Variants in PRORP observed in about 807,000 individuals in gnomAD.
PRORP encodes protein only RNase P catalytic subunit.
In PRORP, 51 loss-of-function variants were observed where a neutral mutation model predicts 59.4. The observed-to-expected ratio is 0.86, with a 90% CI of 0.69 to 1.08. The LOEUF is 1.08. Among genes scored for constraint, PRORP ranks in the 50% least tolerant of loss-of-function variants. PRORP has a pLI of 0.00. For missense variants in PRORP, 646 were observed against 690.3 expected (o/e 0.94, Z 0.72); for synonymous variants, 231 against 245.6 (o/e 0.94, Z 0.55).
At chr14:35,210,053 A>G (rs1468158891) in intron 5 of PRORP, among the ~76,000 whole-genome samples, 1 of 152,258 alleles carries the variant, frequency 6.6e-6, no homozygotes, top group Non-Finnish European at 1.5e-5. Context: ...ATTAATCAGC[A>G]CAGAATTGTA....
At position 35,123,992 on chromosome 14, in the gene PRORP, C is replaced by T. The variant is rs753425011; in HGVS notation, c.747C>T (p.Asp249=). 6.2e-7 allele frequency: 1 copy of T among 1,614,104 alleles called. No individual in the cohort carries two copies. Among genetic ancestry groups the T allele is most frequent in the East Asian group, 2.2e-5 (1 of 44,874 alleles). The change falls in exon 2 of 8, where the codon GAC becomes GAT. Residue 249 remains aspartate (D), a synonymous_variant. Coordinates refer to ENST00000534898, the MANE Select transcript of PRORP (RefSeq NM_014672.4). ...VITPSKKNYN[D]CIQGALLHQD... ...CTCCTTCAAAAAAGAACTATAATGA[C>T]TGTATCCAGGGAGCTCTCCTTCATC...
At chr14:35,130,517 TG>T (rs749987034) in intron 4 of PRORP, among the ~76,000 whole-genome samples, 8 of 152,004 alleles carry the variant, frequency 5.3e-5, no homozygotes, top group Non-Finnish European at 1.2e-4. Context: ...AGTCTCACTC[TG>T]TCGCCCAGGT....
At chr14:35,212,968 C>T (rs2049487747) in intron 5 of PRORP, among the ~76,000 whole-genome samples, 8 of 152,202 alleles carry the variant, frequency 5.3e-5, no homozygotes, top group Admixed American at 3.3e-4. Context: ...TAACTCACTG[C>T]AGCTTCTCCA....
chr14:35,211,639 A>T lies in PRORP; in HGVS notation c.1275+30862A>T, dbSNP rs189009386. Among the ~76,000 whole-genome samples, 207 of 152,358 alleles carry T rather than the reference A, an allele frequency of 1.4e-3. 1 individual carries two copies. The highest frequency in any genetic ancestry group is 4.8e-3 in the African/African-American group (199 of 41,590). On this transcript the variant is annotated intron_variant, in intron 5 of 7. Transcript: ENST00000534898. ...AGTCTATTATGTATGCAATAACATTATGTCTAAAAATAATGCACATACCTA... is the reference window on the plus strand; with the variant it reads ...AGTCTATTATGTATGCAATAACATTTTGTCTAAAAATAATGCACATACCTA...
At chr14:35,205,250 C>T (rs2049261544) in intron 5 of PRORP, among the ~76,000 whole-genome samples, 3 of 152,292 alleles carry the variant, frequency 2.0e-5, no homozygotes, top group East Asian at 3.9e-4. Flanking sequence ...GGCATGATCT[C>T]GGCCCTCTGC....
At chr14:35,230,933 A>G (rs1279243838) in intron 5 of PRORP, among the ~76,000 whole-genome samples, 2 of 127,642 alleles carry the variant, frequency 1.6e-5, no homozygotes, top group African/African-American at 6.3e-5. Flanking sequence ...AAGACAGGAA[A>G]AGAGAACACA....
At chr14:35,236,017 G>A (rs2050201155) in intron 5 of PRORP, among the ~76,000 whole-genome samples, 1 of 148,136 alleles carries the variant, frequency 6.8e-6, no homozygotes, top group Non-Finnish European at 1.5e-5. Flanking sequence ...GACATCTTGA[G>A]CCCAGGAGGC....
At chr14:35,212,454 A>G (rs1280667361) in intron 5 of PRORP, among the ~76,000 whole-genome samples, 1 of 152,136 alleles carries the variant, frequency 6.6e-6, no homozygotes, top group Non-Finnish European at 1.5e-5. Context: ...AGTGTAAATT[A>G]CTCCTTGAGC....
intron 5 of PRORP, among the ~76,000 whole-genome samples, chr14:35,228,470 G>C (rs149334391): frequency 6.6e-6 from 1 of 152,088 alleles, no homozygotes; most frequent in African/African-American, 2.4e-5. Flanking sequence ...CCATCTCCCC[G>C]CTAGTAGTCC....
At chr14:35,161,116 A>G (rs543019802) in intron 4 of PRORP, among the ~76,000 whole-genome samples, 5 of 152,196 alleles carry the variant, frequency 3.3e-5, no homozygotes, top group African/African-American at 9.7e-5. Flanking sequence ...AAGCAGGCAA[A>G]GTTACTTTCC....
rs781491503 is a variant in PRORP, at chr14:35,270,468, A to G, written c.1492A>G (p.Arg498Gly). Residue 498 changes from arginine to glycine, a missense_variant, in exon 7 of 8, where the codon AGA (arginine) becomes GGA (glycine). Physicochemically the swap from Arg to Gly is moderately radical, Grantham distance 125. Transcript: ENST00000534898. ...CGGGAATCACTGCAGGTTTATCACAAGAGACCTGATGCGGGACCACAAGGC... is the reference window on the plus strand; with the variant it reads ...CGGGAATCACTGCAGGTTTATCACAGGAGACCTGATGCGGGACCACAAGGC... ...HSGNHCRFITRDLMRDHKACL... is the reference protein window; with the variant it reads ...HSGNHCRFITGDLMRDHKACL... The G allele has an allele frequency of 8.1e-6, 13 of 1,614,058 alleles. No homozygotes were observed. Among genetic ancestry groups the G allele is most frequent in the African/African-American group, 4.0e-5 (3 of 74,926 alleles).
intron 5 of PRORP, among the ~76,000 whole-genome samples, chr14:35,243,530 T>C (rs2050413469): frequency 7.1e-6 from 1 of 140,668 alleles, no homozygotes; most frequent in South Asian, 2.3e-4. Flanking sequence ...AGTGAGACCA[T>C]GTCTAAAAAA....
chr14:35,247,966 A>T (rs757681271), intron 5 of PRORP, among the ~76,000 whole-genome samples: 1 of 152,162 alleles, frequency 6.6e-6, no homozygotes, highest in Non-Finnish European at 1.5e-5. Context: ...GTTTTCTAAA[A>T]GGCTGGATGA....
intron 4 of PRORP, 110 bp from the exon 5 acceptor site, chr14:35,180,560 G>A (rs772955991): frequency 2.1e-5 from 13 of 622,994 alleles, no homozygotes; most frequent in Non-Finnish European, 3.1e-5. Context: ...GTATTTTTAA[G>A]GGATGAATAT....
intron 5 of PRORP, among the ~76,000 whole-genome samples, chr14:35,215,824 T>G (rs1027423860): frequency 1.3e-5 from 2 of 151,444 alleles, no homozygotes; most frequent in African/African-American, 4.9e-5. Context: ...TAGAATGCAG[T>G]GGCATGATCT....
intron 5 of PRORP, among the ~76,000 whole-genome samples, chr14:35,233,365 C>T (rs1488383399): frequency 6.7e-6 from 1 of 148,792 alleles, no homozygotes. Context: ...ATGAATATTG[C>T]CTCTAGAGTT....
chr14:35,221,320 G>A (rs529360538), intron 5 of PRORP, among the ~76,000 whole-genome samples: 19 of 152,282 alleles, frequency 1.2e-4, no homozygotes, highest in African/African-American at 3.4e-4. Flanking sequence ...AATCCATGAT[G>A]AATAAAATAT....
intron 5 of PRORP, among the ~76,000 whole-genome samples, chr14:35,238,093 A>G (rs778241592): frequency 1.3e-5 from 2 of 151,688 alleles, no homozygotes; most frequent in African/African-American, 4.8e-5. Context: ...GAAACCAAAC[A>G]CTGTATTAAA....
chr14:35,167,584 C>G (rs2048215452), intron 4 of PRORP, among the ~76,000 whole-genome samples: 2 of 152,262 alleles, frequency 1.3e-5, no homozygotes. Context: ...TTCATTTTCC[C>G]CTAGCTACAT....
Sources: allele counts gnomAD v4.1 joint callset (sites outside exome capture counted in the v4.1 genomes callset), GRCh38; gene constraint gnomAD v4.1.1; transcripts MANE v1.5; gene names NCBI Gene and HGNC (gene_info 2026-07-23, HGNC 2026-07-21).